The following CALN1 variants were observed in gnomAD, a reference collection of about 807,000 sequenced individuals.
CALN1 encodes the protein calneuron 1.
CALN1 carries 17 observed loss-of-function variants against 30.6 expected under a neutral mutation model. The observed-to-expected ratio is 0.56, with a 90% confidence interval of 0.38 to 0.83. The LOEUF (loss-of-function observed/expected upper bound fraction) is 0.83. Ranked by LOEUF, CALN1 falls within the 40% of genes least tolerant of loss-of-function variation. The probability of loss-of-function intolerance (pLI) is 0.00; values close to 1 mark genes in which losing one functional copy is unlikely to be tolerated. For synonymous variants in CALN1, 156 were observed against 131.4 expected (o/e 1.19, Z -1.28); for missense variants, 291 against 354.9 (o/e 0.82, Z 1.45).
At chr7:72,041,708 C>T (rs547716751) in intron 4 of CALN1, among the ~76,000 whole-genome samples, 59 of 152,160 alleles carry the variant, frequency 3.9e-4, no homozygotes, top group African/African-American at 1.2e-3. Flanking sequence ...AATTGTAGCT[C>T]CCGTAATTCC....
chr7:71,892,607 T>A (rs2116890372), intron 5 of CALN1, among the ~76,000 whole-genome samples: 1 of 152,210 alleles, frequency 6.6e-6, no homozygotes, highest in Admixed American at 6.5e-5. Context: ...GATGACAGAG[T>A]GAAACTCCAT....
At chr7:72,357,969 T>A (rs915561195) in intron 2 of CALN1, among the ~76,000 whole-genome samples, 8 of 151,152 alleles carry the variant, frequency 5.3e-5, no homozygotes, top group African/African-American at 2.0e-4. Flanking sequence ...CATGCCTGGC[T>A]AATTTTTTTG....
At chr7:72,193,484 T>C (rs551510802) in intron 3 of CALN1, among the ~76,000 whole-genome samples, 21 of 152,264 alleles carry the variant, frequency 1.4e-4, no homozygotes, top group East Asian at 1.9e-4. Context: ...TCACTTAACA[T>C]TGGGGACACA....
At chr7:72,206,567 CTTGT>C (rs1437046416) in intron 3 of CALN1, among the ~76,000 whole-genome samples, 1 of 151,988 alleles carries the variant, frequency 6.6e-6, no homozygotes, top group Non-Finnish European at 1.5e-5. Context: ...GTATTTTGCT[CTTGT>C]TTTAGAGTCT....
At chr7:71,813,347 C>G (rs183289793) in intron 5 of CALN1, among the ~76,000 whole-genome samples, 25 of 152,252 alleles carry the variant, frequency 1.6e-4, no homozygotes, top group Middle Eastern at 3.4e-3. Context: ...GCAATTGTTT[C>G]TCATCTCCAA....
At chr7:72,208,674 T>C (rs565997036) in intron 3 of CALN1, among the ~76,000 whole-genome samples, 2 of 152,312 alleles carry the variant, frequency 1.3e-5, no homozygotes, top group African/African-American at 4.8e-5. Context: ...TTTTAATGGA[T>C]GTATATTAAT....
chr7:72,449,537 C>T (rs373020820), upstream of CALN1, among the ~76,000 whole-genome samples: 1 of 152,202 alleles, frequency 6.6e-6, no homozygotes, highest in South Asian at 2.1e-4. Flanking sequence ...TAGATACCCA[C>T]AGCCCTCACC....
At chr7:71,802,501 T>G (rs1401133559) in intron 6 of CALN1, among the ~76,000 whole-genome samples, 1 of 152,208 alleles carries the variant, frequency 6.6e-6, no homozygotes, top group Non-Finnish European at 1.5e-5. Flanking sequence ...CTTGCTCTGT[T>G]GCCCAGGCTG....
intron 2 of CALN1, among the ~76,000 whole-genome samples, chr7:72,281,164 T>C (rs548067803): frequency 1.3e-5 from 2 of 151,848 alleles, no homozygotes; most frequent in East Asian, 1.9e-4. Flanking sequence ...ATTCAGCCCC[T>C]TTCCCTTCTC....
the CALN1 span, among the ~76,000 whole-genome samples, chr7:72,487,734 A>AAAGGAAGG: frequency 4.1e-3 from 233 of 56,578 alleles, 7 homozygotes; most frequent in East Asian, 0.019. Flanking sequence ...AGAAAGAAAG[A>AAAGGAAGG]AAGGAAGGAA....
chr7:71,991,457 TC>T (rs1798948258), intron 5 of CALN1, among the ~76,000 whole-genome samples: 1 of 145,714 alleles, frequency 6.9e-6, no homozygotes, highest in African/African-American at 2.6e-5. Flanking sequence ...AGATTCTGTC[TC>T]AAAAAAAAAA....
chr7:72,013,721 A>G (rs1322071094), intron 5 of CALN1, among the ~76,000 whole-genome samples: 1 of 152,190 alleles, frequency 6.6e-6, no homozygotes, highest in Non-Finnish European at 1.5e-5. Flanking sequence ...ATAGATTAAT[A>G]TAATGGGCAT....
At chr7:72,140,531 C>T (rs1222263016) in intron 3 of CALN1, among the ~76,000 whole-genome samples, 3 of 152,218 alleles carry the variant, frequency 2.0e-5, no homozygotes, top group African/African-American at 7.2e-5. Context: ...GTATTTCCCT[C>T]TCCCTCCTAT....
chr7:72,437,285 A>G (rs1237242244), intron 1 of CALN1, among the ~76,000 whole-genome samples: 1 of 152,104 alleles, frequency 6.6e-6, no homozygotes, highest in Non-Finnish European at 1.5e-5. Flanking sequence ...CATTCGGAAA[A>G]TAAGAACACA....
chr7:72,325,606 A>G (rs1002828246), intron 2 of CALN1, among the ~76,000 whole-genome samples: 13 of 152,174 alleles, frequency 8.5e-5, no homozygotes, highest in Non-Finnish European at 4.4e-5. Context: ...TGTCTCGAAA[A>G]TAAATAAATA....
At position 71,905,753 on chromosome 7, in the gene CALN1, T is replaced by TA. The variant is rs201360908; in HGVS notation, c.502-95262dup. Among the ~76,000 whole-genome samples the TA allele has an allele frequency of 2.8e-3, 432 of 151,962 alleles. 3 individuals carry two copies. The highest frequency in any genetic ancestry group is 9.9e-3 in the African/African-American group (410 of 41,446). On this transcript the variant is annotated intron_variant, in intron 5 of 6. Coordinates refer to ENST00000395275, the MANE Select transcript of CALN1 (RefSeq NM_031468.4). ...CTCTAAAGTGAAAAATGCATCATTA[T>TA]AAAAAAAATCTAGGGTTTAACACTG...
At chr7:72,187,954 CA>C (rs58482750) in intron 3 of CALN1, among the ~76,000 whole-genome samples, 150,592 of 152,142 alleles carry the variant, frequency 0.99, 74,546 homozygotes, top group Middle Eastern at 1. Context: ...TGGCCATTAT[CA>C]AAAAAATCAA....
At chr7:72,407,267 A>G (rs1484863168) in intron 1 of CALN1, among the ~76,000 whole-genome samples, 2 of 152,212 alleles carry the variant, frequency 1.3e-5, no homozygotes, top group Non-Finnish European at 2.9e-5. Flanking sequence ...TGAACCTGAT[A>G]ATAACACCTA....
chr7:71,960,596 A>G (rs1424707458), intron 5 of CALN1, among the ~76,000 whole-genome samples: 1 of 152,144 alleles, frequency 6.6e-6, no homozygotes, highest in Non-Finnish European at 1.5e-5. Context: ...ATTTAGGTTG[A>G]TTCCATATCT....
Sources: allele counts gnomAD v4.1 joint callset (sites outside exome capture counted in the v4.1 genomes callset), GRCh38; gene constraint gnomAD v4.1.1; transcripts MANE v1.5; gene names NCBI Gene and HGNC (gene_info 2026-07-23, HGNC 2026-07-21).